The following BUB1 variants were observed in gnomAD, a reference collection of about 807,000 sequenced individuals.
BUB1 encodes mitotic checkpoint serine/threonine-protein kinase BUB1.
A neutral mutation model predicts 135.2 loss-of-function variants in BUB1; 84 were observed. The ratio of observed to expected loss-of-function variants is 0.62; its 90% CI spans 0.52 to 0.74. The LOEUF is 0.74. Ranked by LOEUF, BUB1 falls within the 30% of genes least tolerant of loss-of-function variation. The pLI, the probability that BUB1 is intolerant of heterozygous loss-of-function variation, is 0.00. For synonymous variants in BUB1, 403 were observed against 434.4 expected (o/e 0.93, Z 0.90); for missense variants, 1,162 against 1,288.3 (o/e 0.90, Z 1.50).
At chr2:110,669,160 C>T (rs1035126999) in intron 6 of BUB1, among the ~76,000 whole-genome samples, 7 of 152,074 alleles carry the variant, frequency 4.6e-5, no homozygotes, top group African/African-American at 1.7e-4. Context: ...TATGCAGAGG[C>T]CAGCAGAACA....
chr2:110,666,708 C>A (rs1690266173), intron 8 of BUB1, among the ~76,000 whole-genome samples: 1 of 151,156 alleles, frequency 6.6e-6, no homozygotes. Flanking sequence ...CCATCATATA[C>A]ATGACTGTTC....
rs932529131 is a variant in BUB1 at position 110,672,805 on chromosome 2, C to T, written c.278G>A (p.Gly93Glu). 1 of 1,613,008 alleles carries T rather than the reference C, an allele frequency of 6.2e-7. No individual in the cohort carries two copies. The change falls in exon 4 of 25, where the codon GGG becomes GAG. Residue 93 changes from glycine (G) to glutamate (E), a missense_variant. Physicochemically the swap from Gly to Glu is moderately conservative, Grantham distance 98. Transcript: ENST00000302759. ...HQFFEFLYNH[G>E]IGTLSSPLYI... Reference sequence around the variant, plus strand: ...CAGAGGGGATGACAGGGTTCCAATCCCATGGTTGTACAGAAACTCAAAAAA... The same window carrying T: ...CAGAGGGGATGACAGGGTTCCAATCTCATGGTTGTACAGAAACTCAAAAAA...
At chr2:110,639,676 C>T (rs1419333265) in intron 24 of BUB1, 66 bp downstream of exon 24, 4 of 1,275,048 alleles carry the variant, frequency 3.1e-6, no homozygotes, top group Non-Finnish European at 4.5e-6. Context: ...TTTTTTTTGC[C>T]AGATGGAACC....
chr2:110,672,906 CTA>C (rs1163267107), intron 3 of BUB1, 49 bp from the exon 4 acceptor site: 3 of 1,492,050 alleles, frequency 2.0e-6, no homozygotes, highest in East Asian at 2.4e-5. Context: ...AACTGCTAGT[CTA>C]TGTCTGGTGA....
chr2:110,658,180 G>T (rs1369274889), intron 13 of BUB1, among the ~76,000 whole-genome samples: 1 of 151,472 alleles, frequency 6.6e-6, no homozygotes, highest in Non-Finnish European at 1.5e-5. Context: ...ATCCATGGGG[G>T]TTTTGTCCTT....
rs1689454277 is a variant in BUB1 at position 110,639,808 on chromosome 2, A to G, written c.2996T>C (p.Leu999Pro). 6.2e-7 allele frequency: 1 copy of G among 1,614,154 alleles called. No homozygotes were observed. The highest frequency in any genetic ancestry group is 8.5e-7 in the Non-Finnish European group (1 of 1,179,994). Reference sequence around the variant, plus strand: ...TTTCACTTTCATGTAAGTGCCAAAGAGCATGCAATATACTGTTGCAGCAAC... The same window carrying G: ...TTTCACTTTCATGTAAGTGCCAAAGGGCATGCAATATACTGTTGCAGCAAC... ...FGVAATVYCM[L>P]FGTYMKVKNE... The change falls in exon 24 of 25, where the codon CTC becomes CCC. Residue 999 changes from leucine to proline, a missense_variant. Transcript: ENST00000302759.
In BUB1 at chr2:110,641,074, T is replaced by C. The variant is rs1231002459; in HGVS notation, c.2915A>G (p.Gln972Arg). ...FTAKCETSGF[Q>R]CVEMLSNKPW... ...TTTGTTGCTGAGCATCTCAACACAC[T>C]GAAAACCAGATGTTTCACACTTTGC... Residue 972 changes from glutamine to arginine, a missense_variant, in exon 23 of 25, where the codon CAG becomes CGG. Physicochemically the swap from Gln to Arg is conservative, Grantham distance 43 (BLOSUM62 1). Coordinates refer to ENST00000302759, the MANE Select transcript of BUB1 (RefSeq NM_004336.5). The C allele has an allele frequency of 3.7e-6, 6 of 1,608,656 alleles. No individual in the cohort carries two copies. Among genetic ancestry groups the C allele is most frequent in the African/African-American group, 1.3e-5 (1 of 74,688 alleles).
At chr2:110,642,034 T>C (rs1689520022) in intron 20 of BUB1, 85 bp downstream of exon 20, 1 of 1,101,412 alleles carries the variant, frequency 9.1e-7, no homozygotes, top group Non-Finnish European at 1.3e-6. Flanking sequence ...AAAACACCAC[T>C]ATCTTAAAGA....
intron 19 of BUB1, among the ~76,000 whole-genome samples, chr2:110,646,719 A>T (rs1043570626): frequency 9.2e-5 from 14 of 152,224 alleles, no homozygotes; most frequent in African/African-American, 3.4e-4. Flanking sequence ...AACCAAATGA[A>T]AATGGAAATA....
chr2:110,676,083 T>C (rs1188293315), intron 1 of BUB1, among the ~76,000 whole-genome samples: 20 of 151,850 alleles, frequency 1.3e-4, no homozygotes, highest in Admixed American at 1.3e-3. Flanking sequence ...AACTTCTCCA[T>C]GGCAAATAAC....
In BUB1 at chr2:110,641,389, T is replaced by C. The variant is rs1159773738; in HGVS notation, c.2701A>G (p.Met901Val). The C allele has an allele frequency of 1.2e-6, 2 of 1,614,016 alleles. No homozygotes were observed. The highest frequency in any genetic ancestry group is 2.7e-5 in the African/African-American group (2 of 74,928). ...QGLVISFAMR[M>V]LYMIEQVHDC... is the part of the protein sequence containing the mutation. Reference sequence around the variant, plus strand: ...TGCACTTGCTCAATCATGTAAAGCATTCTCATAGCAAAAGAGATGACAAGA... The same window carrying C: ...TGCACTTGCTCAATCATGTAAAGCACTCTCATAGCAAAAGAGATGACAAGA... The change falls in exon 22 of 25, where the codon ATG (methionine) becomes GTG (valine). Residue 901 changes from methionine to valine, a missense_variant. Met to Val is a conservative substitution (Grantham distance 21). Coordinates refer to ENST00000302759, the MANE Select transcript of BUB1 (RefSeq NM_004336.5).
intron 14 of BUB1, 116 bp downstream of exon 14, chr2:110,657,430 C>T (rs1689962092): frequency 2.7e-6 from 2 of 730,850 alleles, no homozygotes; most frequent in East Asian, 5.9e-5. Flanking sequence ...GTTGTGTGGT[C>T]AAAAGGCTCA....
intron 8 of BUB1, among the ~76,000 whole-genome samples, 178 bp downstream of exon 8, chr2:110,667,343 T>A (rs1690286200): frequency 6.6e-6 from 1 of 152,162 alleles, no homozygotes; most frequent in African/African-American, 2.4e-5. Flanking sequence ...CCAGCGCAGT[T>A]TTCTCGGGGC....
At chr2:110,650,134 A>G (rs1029885410) in intron 18 of BUB1, among the ~76,000 whole-genome samples, 2 of 126,974 alleles carry the variant, frequency 1.6e-5, no homozygotes, top group African/African-American at 6.0e-5. Context: ...GGATTAGAAC[A>G]TAGTCAGTCC....
rs930523342 is a variant in BUB1 at position 110,669,572 on chromosome 2, T to C, written c.467-19A>G. 2.7e-6 allele frequency: 4 copies of C among 1,470,268 alleles called. No individual in the cohort carries two copies. Among genetic ancestry groups the C allele is most frequent in the Admixed American group, 1.7e-5 (1 of 59,458 alleles). 91.1% of individuals were successfully genotyped at this position (1,470,268 alleles called of 1,614,324 possible). On this transcript the variant is annotated intron_variant, in intron 5 of 24. Transcript: ENST00000302759. ...GTTCTAGCTATGAGGGAAAAGAGGA[T>C]AAAATACGGAGAAATTAAGGGTAAA...
chr2:110,653,598 TAC>T, intron 16 of BUB1, 75 bp from the exon 17 acceptor site: 3 of 1,247,088 alleles, frequency 2.4e-6, no homozygotes, highest in Non-Finnish European at 3.5e-6. Context: ...TTGATATGGT[TAC>T]AAAGTCTAGG....
At chr2:110,674,772 G>A (rs1415549427) in intron 1 of BUB1, among the ~76,000 whole-genome samples, 1 of 152,024 alleles carries the variant, frequency 6.6e-6, no homozygotes, top group Non-Finnish European at 1.5e-5. Context: ...GCAGGATCCA[G>A]GCATGGCACT....
chr2:110,647,527 A>G (rs1023664009), intron 19 of BUB1, among the ~76,000 whole-genome samples: 6 of 152,140 alleles, frequency 3.9e-5, no homozygotes, highest in Non-Finnish European at 8.8e-5. Context: ...AAGGAGCACG[A>G]TAAATAAAAT....
intron 9 of BUB1, among the ~76,000 whole-genome samples, chr2:110,663,467 A>G (rs1052168403): frequency 2.0e-4 from 30 of 152,232 alleles, no homozygotes; most frequent in African/African-American, 7.2e-4. Flanking sequence ...ACAACAGGCA[A>G]TCTACTTGGA....
Sources: gnomAD v4.1 joint callset for allele counts (sites outside exome capture counted in the v4.1 genomes callset) on GRCh38, gnomAD v4.1.1 for gene constraint, MANE v1.5 for transcripts, NCBI Gene and HGNC (gene_info 2026-07-23, HGNC 2026-07-21) for gene names.